ZFP1: variants seen among roughly 807,000 people sequenced by gnomAD.
ZFP1 encodes the protein ZFP1 zinc finger protein, also known as zinc finger protein 1 homolog.
ZFP1 carries 32 observed loss-of-function variants against 38.5 expected under a neutral mutation model. The observed-to-expected ratio is 0.83, with a 90% confidence interval of 0.63 to 1.12. ZFP1 has a LOEUF of 1.12. Ranked by LOEUF, ZFP1 falls within the 50% of genes most tolerant of loss-of-function variation. The pLI is 0.00. For synonymous variants in ZFP1, 245 were observed against 168.8 expected, an observed-to-expected ratio of 1.45 and a Z score of -3.50; for missense variants, 616 against 480.8, an observed-to-expected ratio of 1.28 and a Z score of -2.63.
chr16:75,170,005 A>G lies in ZFP1; in HGVS notation c.895A>G (p.Asn299Asp), dbSNP rs1448020662. The G allele has an allele frequency of 1.2e-6, 2 of 1,614,098 alleles. No individual in the cohort carries two copies. Among genetic ancestry groups the G allele is most frequent in the African/African-American group, 1.3e-5 (1 of 74,944 alleles). ...IHTGERPYEC[N>D]ECAKTFFKKS... ...TACAGGAGAGCGACCCTATGAGTGT[A>G]ACGAATGTGCAAAAACCTTCTTTAA... The change falls in exon 4 of 4, where the codon AAC becomes GAC. Residue 299 changes from asparagine (N) to aspartate (D), a missense_variant. Transcript: ENST00000570010.
At chr16:75,122,631 G>T in the ZFP1 span, among the ~76,000 whole-genome samples, 41 of 152,294 alleles carry the variant, frequency 2.7e-4, no homozygotes, top group Admixed American at 1.2e-3. Flanking sequence ...ATTAATATTG[G>T]TTTAATAAAA....
At chr16:75,161,046 C>G (rs373009524) in intron 2 of ZFP1, among the ~76,000 whole-genome samples, 1 of 151,346 alleles carries the variant, frequency 6.6e-6, no homozygotes, top group African/African-American at 2.5e-5. Flanking sequence ...GACCCAAACA[C>G]CAGTTTGTAT....
At chr16:75,157,446 G>A (rs368727225) in intron 2 of ZFP1, among the ~76,000 whole-genome samples, 4 of 151,942 alleles carry the variant, frequency 2.6e-5, no homozygotes, top group East Asian at 1.9e-4. Context: ...ATTTCACCCT[G>A]TTGGCCAGGC....
At chr16:75,123,014 C>G in the ZFP1 span, among the ~76,000 whole-genome samples, 3 of 151,952 alleles carry the variant, frequency 2.0e-5, no homozygotes, top group Non-Finnish European at 4.4e-5. Flanking sequence ...AATTTTGAAT[C>G]TAAAGTTAAA....
Position 75,156,073 on chromosome 16 carries a change from A to G in ZFP1, c.15+3107A>G, listed in dbSNP as rs956323665. ...TGAAACCACTCATGTATTGCTGGAG[A>G]TAGTATAGAATGATACAGCCTTACT... On this transcript the variant is annotated intron_variant, in intron 2 of 3. Transcript: ENST00000570010. 4.6e-5 allele frequency among the ~76,000 whole-genome samples: 7 copies of G among 152,150 alleles called. No individual in the cohort carries two copies. The South Asian group carries it at 6.2e-4, about 13-fold the overall frequency.
rs912338914 is a variant in ZFP1 at position 75,150,440 on chromosome 16, C to CT, written c.-44+1798dup. 4.8e-4 allele frequency among the ~76,000 whole-genome samples: 73 copies of CT among 151,722 alleles called. 1 individual carries two copies. The highest frequency in any genetic ancestry group is 1.7e-3 in the African/African-American group (69 of 41,214). On this transcript the variant is annotated intron_variant, in intron 1 of 3. Coordinates refer to ENST00000570010, the MANE Select transcript of ZFP1 (RefSeq NM_153688.4). The stretch of plus-strand genomic sequence containing the variant: ...TTCACCGTGTTAGCCAGGATGGTCT[C>CT]TATCTCCTGACCTGGTGATCCACCT...
At chr16:75,164,389 A>AAAC (rs1160404737) in intron 2 of ZFP1, among the ~76,000 whole-genome samples, 2 of 152,344 alleles carry the variant, frequency 1.3e-5, no homozygotes, top group African/African-American at 4.8e-5. Flanking sequence ...TTTTTCTTCC[A>AAAC]AACATGGTAC....
chr16:75,163,797 G>C lies in ZFP1; in HGVS notation c.16-2973G>C, dbSNP rs1379596756. On this transcript the variant is annotated intron_variant, in intron 2 of 3. Coordinates refer to ENST00000570010, the MANE Select transcript of ZFP1 (RefSeq NM_153688.4). ...CAGCTAGGTGTTCTGTTGTTGTAGA[G>C]ACAGGGTCTTGCCATGTTGCCCAGG... 2.0e-5 allele frequency among the ~76,000 whole-genome samples: 3 copies of C among 151,494 alleles called. No individual in the cohort carries two copies. In the East Asian group the frequency reaches 5.8e-4, roughly 29 times the overall value.
intron 2 of ZFP1, among the ~76,000 whole-genome samples, chr16:75,153,633 C>A (rs540007717): frequency 1.3e-5 from 2 of 152,170 alleles, no homozygotes; most frequent in South Asian, 2.1e-4. Context: ...CAACCCCTAC[C>A]CCCAGTTTCC....
chr16:75,147,949 A>T (rs2036975979), upstream of ZFP1, among the ~76,000 whole-genome samples: 1 of 152,238 alleles, frequency 6.6e-6, no homozygotes, highest in Admixed American at 6.5e-5. Context: ...GGTGATGCAC[A>T]TGTTAATTAG....
intron 2 of ZFP1, 86 bp downstream of exon 2, chr16:75,153,052 G>A: frequency 6.5e-7 from 1 of 1,532,706 alleles, no homozygotes; most frequent in South Asian, 1.2e-5. Context: ...AGAAAAGTAT[G>A]AATAAGACAC....
At chr16:75,165,287 A>C (rs1341338105) in intron 2 of ZFP1, among the ~76,000 whole-genome samples, 1 of 152,236 alleles carries the variant, frequency 6.6e-6, no homozygotes, top group Non-Finnish European at 1.5e-5. Context: ...CAACCAACTC[A>C]TTCTAAATAC....
At chr16:75,134,626 C>T in the ZFP1 span, among the ~76,000 whole-genome samples, 1 of 151,832 alleles carries the variant, frequency 6.6e-6, no homozygotes, top group Non-Finnish European at 1.5e-5. Flanking sequence ...GTGGCGGGCA[C>T]CTGTAGTCCC....
chr16:75,147,924 CAAAT>C (rs1260670142), upstream of ZFP1, among the ~76,000 whole-genome samples: 1 of 152,078 alleles, frequency 6.6e-6, no homozygotes, highest in East Asian at 1.9e-4. Context: ...TCTCATCAGA[CAAAT>C]AACTATGTGA....
the ZFP1 span, among the ~76,000 whole-genome samples, chr16:75,120,767 TTTTGTTTGTTTG>T: frequency 3.3e-5 from 5 of 149,916 alleles, no homozygotes; most frequent in South Asian, 2.1e-4. Context: ...CCAGCTTGTT[TTTTGTTTGTTTG>T]TTTGTTTGTT....
chr16:75,166,033 T>A (rs1476608964), intron 2 of ZFP1, among the ~76,000 whole-genome samples: 1 of 152,158 alleles, frequency 6.6e-6, no homozygotes, highest in African/African-American at 2.4e-5. Context: ...TTTTATGGCT[T>A]GAATGAGGGG....
At chr16:75,162,701 C>A (rs1026525506) in intron 2 of ZFP1, among the ~76,000 whole-genome samples, 2 of 152,072 alleles carry the variant, frequency 1.3e-5, no homozygotes, top group African/African-American at 4.8e-5. Flanking sequence ...TCTGTTGTTA[C>A]CATCTTTATG....
In ZFP1 at chr16:75,171,344, A is replaced by G. The variant is rs530577011; in HGVS notation, c.*1010A>G. The G allele has an allele frequency of 1.3e-5, 2 of 152,344 alleles. No individual in the cohort carries two copies. The highest frequency in any genetic ancestry group is 3.4e-3 in the Middle Eastern group (1 of 294). The allele number at this position is 152,344 out of a possible 1,614,324, so 9.4% of individuals were successfully genotyped here. ...GAAAAATTATTTTAAATAACTGTCA[A>G]CTGTTTCATTGCTTTTTAAATTTTT... On this transcript the variant is annotated 3_prime_UTR_variant, in exon 4 of 4. Coordinates refer to ENST00000570010, the MANE Select transcript of ZFP1 (RefSeq NM_153688.4).
At chr16:75,143,346 A>G in the ZFP1 span, among the ~76,000 whole-genome samples, 1 of 151,974 alleles carries the variant, frequency 6.6e-6, no homozygotes, top group Non-Finnish European at 1.5e-5. Flanking sequence ...AGTTCAAGCA[A>G]TCCTCCTGCC....
Sources: allele counts gnomAD v4.1 joint callset (sites outside exome capture counted in the v4.1 genomes callset), GRCh38; gene constraint gnomAD v4.1.1; transcripts MANE v1.5; gene names NCBI Gene and HGNC (gene_info 2026-07-23, HGNC 2026-07-21).